Variants in CHCHD3 observed in about 807,000 individuals in gnomAD.
CHCHD3 encodes MICOS complex subunit MIC19.
A neutral mutation model predicts 38.2 loss-of-function variants in CHCHD3; 20 were observed. The ratio of observed to expected loss-of-function variants is 0.52; its 90% CI spans 0.37 to 0.76. The LOEUF (loss-of-function observed/expected upper bound fraction) is 0.76. Ranked by LOEUF, CHCHD3 falls within the 30% of genes least tolerant of loss-of-function variation. CHCHD3 has a pLI of 0.00. For missense variants in CHCHD3, 245 were observed against 279.2 expected (o/e 0.88, Z 0.87); for synonymous variants, 82 against 100.0 (o/e 0.82, Z 1.07).
At chr7:132,948,882 T>C (rs2117283560) in intron 4 of CHCHD3, among the ~76,000 whole-genome samples, 1 of 152,254 alleles carries the variant, frequency 6.6e-6, no homozygotes, top group East Asian at 1.9e-4. Flanking sequence ...ATCAAGTAAT[T>C]AGAATTCCAT....
At chr7:132,798,000 A>G (rs1806665506) in intron 6 of CHCHD3, among the ~76,000 whole-genome samples, 1 of 152,192 alleles carries the variant, frequency 6.6e-6, no homozygotes, top group African/African-American at 2.4e-5. Context: ...TAATCTTGAA[A>G]TCACATTATT....
In CHCHD3 at chr7:132,913,948, CTTTTT is replaced by C. The variant is rs71178066; in HGVS notation, c.370-28208_370-28204del. 5.0e-3 allele frequency among the ~76,000 whole-genome samples: 511 copies of C among 102,318 alleles called. 3 individuals carry two copies. Among genetic ancestry groups the C allele is most frequent in the African/African-American group, 0.018 (472 of 26,964 alleles). 67.1% of individuals were successfully genotyped at this position (102,318 alleles called of 152,430 possible). On this transcript the variant is annotated intron_variant, in intron 4 of 7. Transcript: ENST00000262570. Reference sequence around the variant, plus strand: ...AAGGCTCTGTAAACGTTTTCTTTTTCTTTTTTTTTTTTTTTTTTTTTGAGATGGAG... The same window carrying C: ...AAGGCTCTGTAAACGTTTTCTTTTTCTTTTTTTTTTTTTTTTGAGATGGAG...
At chr7:133,018,875 CTTT>C (rs5887607) in intron 3 of CHCHD3, among the ~76,000 whole-genome samples, 1 of 70,162 alleles carries the variant, frequency 1.4e-5, no homozygotes, top group African/African-American at 5.9e-5. Context: ...CATGATTTCT[CTTT>C]TTTTTTTTTT....
chr7:132,991,005 T>C (rs1473335302), intron 3 of CHCHD3, among the ~76,000 whole-genome samples: 1 of 147,540 alleles, frequency 6.8e-6, no homozygotes, highest in East Asian at 2.0e-4. Flanking sequence ...CTGTCTCTTT[T>C]TATACTAGAT....
chr7:132,991,198 G>A (rs1357913560), intron 3 of CHCHD3, among the ~76,000 whole-genome samples: 2 of 152,116 alleles, frequency 1.3e-5, no homozygotes, highest in East Asian at 1.9e-4. Flanking sequence ...AATGGCTGCT[G>A]TCTTTATAAA....
chr7:132,863,437 G>T (rs572800624), intron 5 of CHCHD3, among the ~76,000 whole-genome samples: 26 of 152,260 alleles, frequency 1.7e-4, no homozygotes, highest in Non-Finnish European at 3.4e-4. Context: ...TACCATCCAG[G>T]CTTTGGTGTT....
intron 1 of CHCHD3, among the ~76,000 whole-genome samples, chr7:133,071,661 T>C (rs556589041): frequency 6.6e-6 from 1 of 152,196 alleles, no homozygotes; most frequent in Non-Finnish European, 1.5e-5. Flanking sequence ...GGAATGTTCA[T>C]AGCAGCATTA....
At chr7:133,012,002 G>A (rs2117413439) in intron 3 of CHCHD3, among the ~76,000 whole-genome samples, 1 of 152,220 alleles carries the variant, frequency 6.6e-6, no homozygotes, top group African/African-American at 2.4e-5. Context: ...TCGGCTCACT[G>A]CAACCTCAGA....
chr7:132,920,205 G>A (rs761652935), intron 4 of CHCHD3, among the ~76,000 whole-genome samples: 2 of 152,026 alleles, frequency 1.3e-5, no homozygotes, highest in Non-Finnish European at 2.9e-5. Flanking sequence ...AAGTTTTATC[G>A]GAACAAAACC....
intron 4 of CHCHD3, among the ~76,000 whole-genome samples, chr7:132,939,803 T>G (rs531427865): frequency 9.2e-5 from 14 of 152,290 alleles, no homozygotes; most frequent in African/African-American, 3.4e-4. Context: ...TAGGAACAAA[T>G]GAGTATGTGC....
At chr7:132,790,546 C>T (rs1806430607) in intron 7 of CHCHD3, among the ~76,000 whole-genome samples, 1 of 152,004 alleles carries the variant, frequency 6.6e-6, no homozygotes, top group Non-Finnish European at 1.5e-5. Flanking sequence ...GCTGCCCTAC[C>T]AAAAAAATGG....
intron 2 of CHCHD3, among the ~76,000 whole-genome samples, chr7:133,046,723 C>T (rs566554814): frequency 8.5e-5 from 13 of 152,216 alleles, no homozygotes; most frequent in South Asian, 4.2e-4. Flanking sequence ...CCACCACACC[C>T]GGCTAATTTT....
chr7:132,833,512 A>G (rs1427749032), intron 6 of CHCHD3, among the ~76,000 whole-genome samples: 1 of 152,200 alleles, frequency 6.6e-6, no homozygotes, highest in Non-Finnish European at 1.5e-5. Context: ...TTTTTTAAAA[A>G]GATCATCATT....
At chr7:133,043,623 G>A (rs1217684305) in intron 2 of CHCHD3, among the ~76,000 whole-genome samples, 1 of 150,928 alleles carries the variant, frequency 6.6e-6, no homozygotes, top group Non-Finnish European at 1.5e-5. Context: ...TCCAGCCTGG[G>A]TGACCGGTTG....
chr7:133,037,932 C>T (rs1480450743), intron 2 of CHCHD3, among the ~76,000 whole-genome samples: 1 of 152,112 alleles, frequency 6.6e-6, no homozygotes, highest in African/African-American at 2.4e-5. Flanking sequence ...GCAGTGTTTA[C>T]CAAGAACACA....
chr7:132,966,081 T>C (rs184238836), intron 4 of CHCHD3, among the ~76,000 whole-genome samples: 5 of 152,336 alleles, frequency 3.3e-5, no homozygotes, highest in African/African-American at 1.2e-4. Context: ...GCAATGTAGC[T>C]TACCTCGAAT....
chr7:132,886,755 A>C (rs1809228176), intron 4 of CHCHD3, among the ~76,000 whole-genome samples: 1 of 151,646 alleles, frequency 6.6e-6, no homozygotes, highest in South Asian at 2.1e-4. Flanking sequence ...TATTACTTTT[A>C]ATATGTAAAG....
chr7:132,840,642 G>C (rs1484432359), intron 5 of CHCHD3, among the ~76,000 whole-genome samples: 3 of 152,280 alleles, frequency 2.0e-5, no homozygotes, highest in East Asian at 1.9e-4. Context: ...AGGCAAGAGA[G>C]CTGTGAAATC....
chr7:132,816,819 G>A (rs572769583), intron 6 of CHCHD3, among the ~76,000 whole-genome samples: 42 of 152,244 alleles, frequency 2.8e-4, no homozygotes, highest in African/African-American at 1.0e-3. Context: ...GCTTCTGCTG[G>A]TATTTTTTCA....
Sources: gnomAD v4.1 joint callset for allele counts (sites outside exome capture counted in the v4.1 genomes callset) on GRCh38, gnomAD v4.1.1 for gene constraint, MANE v1.5 for transcripts, NCBI Gene and HGNC (gene_info 2026-07-23, HGNC 2026-07-21) for gene names.